The following FAM117A variants were observed in gnomAD, a reference collection of about 807,000 sequenced individuals.
The protein encoded by FAM117A is protein FAM117A.
A neutral mutation model predicts 44.1 loss-of-function variants in FAM117A; 21 were observed. That is an observed-to-expected ratio of 0.48 (90% CI 0.34 to 0.69). FAM117A has a LOEUF of 0.69. FAM117A is among the 30% of genes least tolerant of loss of function. The probability of loss-of-function intolerance (pLI) is 0.01; values close to 1 mark genes in which losing one functional copy is unlikely to be tolerated. For missense variants in FAM117A, 498 were observed against 589.9 expected (o/e 0.84, Z 1.61); for synonymous variants, 220 against 238.3 (o/e 0.92, Z 0.71).
chr17:49,745,675 G>A (rs1021359414), intron 1 of FAM117A, among the ~76,000 whole-genome samples: 2 of 152,174 alleles, frequency 1.3e-5, no homozygotes, highest in African/African-American at 4.8e-5. Context: ...AGGGGATAGA[G>A]GAGCAAGTTA....
chr17:49,751,135 C>T (rs924431174), intron 1 of FAM117A, among the ~76,000 whole-genome samples: 2 of 151,848 alleles, frequency 1.3e-5, no homozygotes, highest in East Asian at 2.0e-4. Flanking sequence ...CAAAAATTAG[C>T]CTGGTGTGGT....
chr17:49,761,116 T>C (rs1219495537), intron 1 of FAM117A, among the ~76,000 whole-genome samples: 2 of 152,172 alleles, frequency 1.3e-5, no homozygotes, highest in Non-Finnish European at 2.9e-5. Context: ...GGTGGGGAGA[T>C]AACTGCAGAG....
At chr17:49,727,876 T>C (rs1254563346) in intron 2 of FAM117A, among the ~76,000 whole-genome samples, 7 of 152,136 alleles carry the variant, frequency 4.6e-5, no homozygotes, top group Non-Finnish European at 8.8e-5. Context: ...TAACCCACTA[T>C]CCCTGCACGG....
chr17:49,732,461 C>T lies in FAM117A; in HGVS notation c.366+90G>A, dbSNP rs923378188. On this transcript the variant is annotated intron_variant, in intron 2 of 7. Coordinates refer to ENST00000240364, the MANE Select transcript of FAM117A (RefSeq NM_030802.4). The stretch of plus-strand genomic sequence containing the variant: ...ACGACCAAAACCCAAGACAAATCAT[C>T]GCAATGACTTGAGGAAGACCAAAGG... 6.6e-5 allele frequency: 79 copies of T among 1,201,908 alleles called. No individual in the cohort carries two copies. The South Asian group carries it at 7.2e-4, about 11-fold the overall frequency. The allele number at this position is 1,201,908 out of a possible 1,614,324, so 74.5% of individuals were successfully genotyped here.
chr17:49,765,110 T>C (rs1010809447), upstream of FAM117A, among the ~76,000 whole-genome samples: 6 of 152,106 alleles, frequency 3.9e-5, no homozygotes, highest in Admixed American at 3.9e-4. Flanking sequence ...GATATAATAA[T>C]ATAAAGGGAT....
chr17:49,716,128 C>T lies in FAM117A; in HGVS notation c.1061+37G>A, dbSNP rs767435480. The T allele has an allele frequency of 2.0e-6, 3 of 1,506,978 alleles. No individual in the cohort carries two copies. In the Admixed American group the frequency reaches 5.1e-5, roughly 26 times the overall value. 93.4% of individuals were successfully genotyped at this position (1,506,978 alleles called of 1,614,324 possible). A position where few individuals can be genotyped will look rare whatever the true frequency, so the allele number is the denominator to read the frequency against. On this transcript the variant is annotated intron_variant, in intron 7 of 7. Coordinates refer to ENST00000240364, the MANE Select transcript of FAM117A (RefSeq NM_030802.4). ...AGAAGGTGGGAGAATGTAGGCCCAC[C>T]CTCCCCTCCCACACCCTGTCCACTT...
chr17:49,768,413 G>A (rs533141721), upstream of FAM117A, among the ~76,000 whole-genome samples: 80 of 152,226 alleles, frequency 5.3e-4, no homozygotes, highest in African/African-American at 1.6e-3. Flanking sequence ...ATTATTCAGC[G>A]GGCTAGAGAA....
At chr17:49,775,643 C>T (rs1037661205) in intron 1 of FAM117A, among the ~76,000 whole-genome samples, 16 of 152,128 alleles carry the variant, frequency 1.1e-4, no homozygotes, top group African/African-American at 3.9e-4. Context: ...TGTTGTGCAG[C>T]GGAAGGGCCT....
At chr17:49,727,844 G>A (rs1490558536) in intron 2 of FAM117A, among the ~76,000 whole-genome samples, 1 of 152,236 alleles carries the variant, frequency 6.6e-6, no homozygotes, top group Non-Finnish European at 1.5e-5. Context: ...CATGTGTGGA[G>A]CTGGGCTAGG....
intron 1 of FAM117A, among the ~76,000 whole-genome samples, chr17:49,769,731 T>A (rs1199265565): frequency 3.3e-5 from 5 of 151,614 alleles, no homozygotes; most frequent in African/African-American, 7.3e-5. Flanking sequence ...AATAAATAAA[T>A]AATAAATAAA....
At chr17:49,779,681 CAG>C (rs1349047011) in intron 1 of FAM117A, among the ~76,000 whole-genome samples, 5 of 152,226 alleles carry the variant, frequency 3.3e-5, no homozygotes, top group African/African-American at 1.2e-4. Flanking sequence ...TGACTCTGCC[CAG>C]AGACTTGGGT....
At chr17:49,729,503 CTTTT>C (rs3034927) in intron 2 of FAM117A, among the ~76,000 whole-genome samples, 33 of 92,194 alleles carry the variant, frequency 3.6e-4, no homozygotes, top group Non-Finnish European at 3.5e-4. Context: ...TGGCATCAGT[CTTTT>C]TTTTTTTTTT....
At chr17:49,719,135 G>A (rs2073520580) in intron 5 of FAM117A, among the ~76,000 whole-genome samples, 1 of 151,656 alleles carries the variant, frequency 6.6e-6, no homozygotes, top group South Asian at 2.1e-4. Context: ...GGTGGCAAGC[G>A]CCTGTAATCC....
chr17:49,777,690 A>G (rs1383683499), intron 1 of FAM117A, among the ~76,000 whole-genome samples: 2 of 152,130 alleles, frequency 1.3e-5, no homozygotes, highest in African/African-American at 4.8e-5. Context: ...CAGGGATGGA[A>G]GGCTAAATGC....
chr17:49,720,963 T>C (rs899784424), intron 3 of FAM117A, among the ~76,000 whole-genome samples: 1 of 152,170 alleles, frequency 6.6e-6, no homozygotes, highest in Admixed American at 6.5e-5. Context: ...TCCACCCGCC[T>C]CAGCCTCCCA....
chr17:49,786,121 A>C (rs1471085971), intron 1 of FAM117A, among the ~76,000 whole-genome samples: 7 of 152,194 alleles, frequency 4.6e-5, no homozygotes, highest in Admixed American at 1.3e-4. Context: ...AGTACTATAC[A>C]CATTTTTTTC....
chr17:49,773,772 C>T lies in FAM117A; in HGVS notation c.-621+14725G>A, dbSNP rs144333277. On this transcript the variant is annotated intron_variant, in intron 1 of 7. Coordinates refer to the FAM117A transcript ENST00000513602. ...TAAGGTAGCTTTTTTTTTTTTCTGGCGACTGAGTTTCATTCTTGTTGCCCA... is the reference window on the plus strand; with the variant it reads ...TAAGGTAGCTTTTTTTTTTTTCTGGTGACTGAGTTTCATTCTTGTTGCCCA... Among the ~76,000 whole-genome samples the T allele has an allele frequency of 4.3e-3, 639 of 150,276 alleles. 8 individuals are homozygous for T. Among genetic ancestry groups the T allele is most frequent in the African/African-American group, 0.015 (598 of 40,984 alleles).
At chr17:49,735,585 C>G (rs2073607391) in intron 1 of FAM117A, among the ~76,000 whole-genome samples, 1 of 152,128 alleles carries the variant, frequency 6.6e-6, no homozygotes, top group African/African-American at 2.4e-5. Context: ...TAATATTCCT[C>G]CAGGTTGATG....
chr17:49,726,194 G>A (rs1477746079), intron 2 of FAM117A, among the ~76,000 whole-genome samples: 1 of 152,172 alleles, frequency 6.6e-6, no homozygotes, highest in Non-Finnish European at 1.5e-5. Flanking sequence ...GTTTGAAGTT[G>A]TTGACATGCT....
Sources: allele counts gnomAD v4.1 joint callset (sites outside exome capture counted in the v4.1 genomes callset), GRCh38; gene constraint gnomAD v4.1.1; transcripts MANE v1.5; gene names NCBI Gene and HGNC (gene_info 2026-07-23, HGNC 2026-07-21).